The following DLGAP1 variants were observed in gnomAD, a reference collection of about 807,000 sequenced individuals.
DLGAP1 encodes disks large-associated protein 1.
DLGAP1 carries 11 observed loss-of-function variants against 90.8 expected under a neutral mutation model. The observed-to-expected ratio is 0.12, with a 90% CI of 0.08 to 0.20. The LOEUF (loss-of-function observed/expected upper bound fraction) is 0.20. Ranked by LOEUF, DLGAP1 falls within the 10% of genes least tolerant of loss-of-function variation. DLGAP1 has a pLI of 1.00. For synonymous variants in DLGAP1, 558 were observed against 540.7 expected, an observed-to-expected ratio of 1.03 and a Z score of -0.44; for missense variants, 1,050 against 1,333.8, an observed-to-expected ratio of 0.79 and a Z score of 3.31.
At chr18:3,596,430 G>T (rs1198205425) in intron 7 of DLGAP1, 1 of 192,712 alleles carries the variant, frequency 5.2e-6, no homozygotes, top group Admixed American at 6.2e-5. Flanking sequence ...AAAGTGCTGG[G>T]ATTACAGGCT....
intron 1 of DLGAP1, among the ~76,000 whole-genome samples, chr18:4,390,695 A>G (rs556903758): frequency 6.6e-6 from 1 of 152,306 alleles, no homozygotes; most frequent in Non-Finnish European, 1.5e-5. Context: ...GTGGCTTGAT[A>G]GCTGAATAAT....
At chr18:3,587,201 T>C (rs190608139) in intron 7 of DLGAP1, among the ~76,000 whole-genome samples, 2 of 152,158 alleles carry the variant, frequency 1.3e-5, no homozygotes, top group East Asian at 3.9e-4. Flanking sequence ...ATTACAGGCC[T>C]GCGCCACCAT....
At chr18:4,001,536 T>C (rs559038889) in intron 3 of DLGAP1, among the ~76,000 whole-genome samples, 2 of 152,314 alleles carry the variant, frequency 1.3e-5, no homozygotes, top group African/African-American at 4.8e-5. Flanking sequence ...TGAACCAGGA[T>C]AGCTTCCTAG....
At chr18:4,070,926 C>G (rs1400731421) in intron 2 of DLGAP1, among the ~76,000 whole-genome samples, 10 of 152,048 alleles carry the variant, frequency 6.6e-5, no homozygotes, top group African/African-American at 9.7e-5. Context: ...TAAGAATCAT[C>G]AGAAACTGGC....
rs369566566 is a variant in DLGAP1, at chr18:3,879,391, C to A, written c.678G>T (p.Arg226Ser). The A allele has an allele frequency of 5.0e-6, 8 of 1,613,088 alleles. No individual in the cohort carries two copies. The highest frequency in any genetic ancestry group is 6.8e-6 in the Non-Finnish European group (8 of 1,179,974). Residue 226 changes from arginine (R) to serine (S), a missense_variant, in exon 4 of 13, where the codon AGG becomes AGT. Physicochemically the swap from Arg to Ser is moderately radical, Grantham distance 110 (BLOSUM62 -1). Transcript: ENST00000315677. The surrounding 1 kb of genome is among the most constrained non-coding windows in gnomAD (Gnocchi z 6.6). ...ACTGTGAGGCCGAGCGGTCGGGGCA[C>A]CTGCCCATGGTCATCACGCCCGAGG... The part of the protein sequence containing the change: ...HAPSGVMTMG[R>S]CPDRSASQYF...
At chr18:3,757,334 G>A (rs552724004) in intron 5 of DLGAP1, among the ~76,000 whole-genome samples, 61 of 152,296 alleles carry the variant, frequency 4.0e-4, no homozygotes, top group African/African-American at 1.4e-3. Context: ...GCTTGAAACC[G>A]GGAGGCAGAG....
chr18:3,837,992 T>C (rs1236117774), intron 4 of DLGAP1, among the ~76,000 whole-genome samples: 1 of 150,384 alleles, frequency 6.6e-6, no homozygotes. Context: ...GGATGGCATC[T>C]AATGTCTTAG....
At chr18:3,551,709 TC>T (rs2053463066) in intron 9 of DLGAP1, among the ~76,000 whole-genome samples, 1 of 27,320 alleles carries the variant, frequency 3.7e-5, no homozygotes, top group Non-Finnish European at 5.7e-5. Context: ...CCTCCCTCCC[TC>T]CCTCCCTCCC....
chr18:3,763,526 T>C (rs941252078), intron 5 of DLGAP1, among the ~76,000 whole-genome samples: 7 of 152,330 alleles, frequency 4.6e-5, no homozygotes, highest in Non-Finnish European at 8.8e-5. Flanking sequence ...CTAACACACA[T>C]GGCCTATAAT....
rs117709029 is a variant in DLGAP1 at position 3,860,496 on chromosome 18, A to T, written c.957+18616T>A. ...CAGATAGACATGAAATATCTCACTC[A>T]ATGTTGTATAACTGCTAAAACACAG... On this transcript the variant is annotated intron_variant, in intron 4 of 12. Coordinates refer to ENST00000315677, the MANE Select transcript of DLGAP1 (RefSeq NM_004746.4). Among the ~76,000 whole-genome samples the T allele has an allele frequency of 4.0e-3, 608 of 152,356 alleles. 1 individual carries two copies. Among genetic ancestry groups the T allele is most frequent in the South Asian group, 0.017 (81 of 4,830 alleles).
At chr18:4,136,777 C>T (rs1256265003) in intron 2 of DLGAP1, among the ~76,000 whole-genome samples, 2 of 151,996 alleles carry the variant, frequency 1.3e-5, no homozygotes, top group African/African-American at 4.8e-5. Flanking sequence ...CTTTGGTTAC[C>T]TGTATTTGTG....
Position 3,509,754 on chromosome 18 carries a change from C to T in DLGAP1, c.2480-1093G>A, listed in dbSNP as rs572702049. Among the ~76,000 whole-genome samples the T allele has an allele frequency of 2.0e-5, 3 of 152,328 alleles. No homozygotes were observed. In the East Asian group the frequency reaches 5.8e-4, roughly 29 times the overall value. On this transcript the variant is annotated intron_variant, in intron 10 of 12. Coordinates refer to ENST00000315677, the MANE Select transcript of DLGAP1 (RefSeq NM_004746.4). ...CCCCACACATTCTGAGCGACGGAAACTGAAGAATAAGAAACTCCATTCTGG... is the reference window on the plus strand; with the variant it reads ...CCCCACACATTCTGAGCGACGGAAATTGAAGAATAAGAAACTCCATTCTGG...
intron 2 of DLGAP1, among the ~76,000 whole-genome samples, chr18:4,022,632 G>C (rs1440845498): frequency 6.6e-6 from 1 of 152,146 alleles, no homozygotes; most frequent in Non-Finnish European, 1.5e-5. Context: ...TCTACTAACA[G>C]TAATAGCTCT....
chr18:3,924,990 T>C (rs1224557956), intron 3 of DLGAP1, among the ~76,000 whole-genome samples: 1 of 152,106 alleles, frequency 6.6e-6, no homozygotes, highest in African/African-American at 2.4e-5. Context: ...TCTTGCTCCA[T>C]TGCCCGGGCT....
chr18:3,948,526 G>A (rs1426164246), intron 3 of DLGAP1, among the ~76,000 whole-genome samples: 1 of 152,138 alleles, frequency 6.6e-6, no homozygotes, highest in African/African-American at 2.4e-5. Flanking sequence ...TCTTGTACAG[G>A]GTAAGAGCCA....
At chr18:3,781,066 G>A (rs1365161929) in intron 5 of DLGAP1, among the ~76,000 whole-genome samples, 1 of 152,108 alleles carries the variant, frequency 6.6e-6, no homozygotes, top group East Asian at 1.9e-4. Flanking sequence ...GGGCTTAAGT[G>A]ACCCTCCTGC....
intron 1 of DLGAP1, among the ~76,000 whole-genome samples, chr18:4,233,350 G>A (rs1358652913): frequency 6.6e-6 from 1 of 152,058 alleles, no homozygotes; most frequent in African/African-American, 2.4e-5. Flanking sequence ...CTTAAAAATT[G>A]TACATTTTAA....
intron 2 of DLGAP1, among the ~76,000 whole-genome samples, chr18:4,010,278 C>T (rs2074390336): frequency 6.6e-6 from 1 of 152,198 alleles, no homozygotes; most frequent in Non-Finnish European, 1.5e-5. Context: ...GGTGCGGTGG[C>T]TCAGTGCTGT....
chr18:3,889,708 G>A (rs923406784), intron 3 of DLGAP1, among the ~76,000 whole-genome samples: 1 of 152,198 alleles, frequency 6.6e-6, no homozygotes, highest in African/African-American at 2.4e-5. Context: ...CATCCATGCA[G>A]AGCCTTCACT....
Sources: allele counts gnomAD v4.1 joint callset (sites outside exome capture counted in the v4.1 genomes callset), GRCh38; gene constraint gnomAD v4.1.1; non-coding constraint Gnocchi (gnomAD v3.1); transcripts MANE v1.5; gene names NCBI Gene and HGNC (gene_info 2026-07-23, HGNC 2026-07-21).